BCAS3: variants seen among roughly 807,000 people sequenced by gnomAD.
The protein encoded by BCAS3 is BCAS4/BCAS3 fusion.
In BCAS3, 53 loss-of-function variants were observed where a neutral mutation model predicts 116.1. The observed-to-expected ratio is 0.46, with a 90% CI of 0.37 to 0.57. BCAS3 has a LOEUF of 0.57. BCAS3 is among the 20% of genes least tolerant of loss of function. The pLI is 0.00. For missense variants in BCAS3, 917 were observed against 1,165.4 expected (o/e 0.79, Z 3.10); for synonymous variants, 391 against 408.2 (o/e 0.96, Z 0.51).
At chr17:60,773,793 G>A (rs541917376) in intron 6 of BCAS3, among the ~76,000 whole-genome samples, 20 of 151,934 alleles carry the variant, frequency 1.3e-4, no homozygotes, top group African/African-American at 4.4e-4. Flanking sequence ...GACCACAGGC[G>A]CACGCCACCA....
chr17:61,178,538 T>G, intron 22 of BCAS3, among the ~76,000 whole-genome samples: 1 of 152,206 alleles, frequency 6.6e-6, no homozygotes, highest in Non-Finnish European at 1.5e-5. Context: ...GTTTAGTGAT[T>G]AGGGCTATCT....
At chr17:60,855,567 G>T (rs1027310408) in intron 7 of BCAS3, among the ~76,000 whole-genome samples, 8 of 149,656 alleles carry the variant, frequency 5.3e-5, no homozygotes, top group African/African-American at 2.0e-4. Context: ...CCATTCTCCT[G>T]CCTCAGCCTC....
intron 22 of BCAS3, among the ~76,000 whole-genome samples, chr17:61,231,974 A>AG (rs1056839187): frequency 6.3e-4 from 95 of 151,672 alleles, no homozygotes; most frequent in African/African-American, 1.9e-3. Flanking sequence ...TGGGAGGCCG[A>AG]GGGGGGTGGA....
At chr17:61,176,962 T>G (rs2079187863) in intron 22 of BCAS3, among the ~76,000 whole-genome samples, 1 of 152,190 alleles carries the variant, frequency 6.6e-6, no homozygotes. Flanking sequence ...TTTAATACCG[T>G]TAGTCCTTAG....
intron 22 of BCAS3, among the ~76,000 whole-genome samples, chr17:61,338,887 GGAAAAAAAAAAAAAA>G (rs747217511): frequency 1.0e-5 from 1 of 99,660 alleles, no homozygotes; most frequent in African/African-American, 3.8e-5. Flanking sequence ...GCCCTTACTG[GGAAAAAAAAAAAAAA>G]AAAAAAAAAA....
At chr17:60,753,711 G>A (rs747526002) in intron 6 of BCAS3, among the ~76,000 whole-genome samples, 1 of 152,050 alleles carries the variant, frequency 6.6e-6, no homozygotes, top group Non-Finnish European at 1.5e-5. Context: ...GCTCTGCCGC[G>A]TCTTCTTATT....
In BCAS3 at chr17:61,222,994, AGTCCG is replaced by A. The variant is rs1439768942; in HGVS notation, c.2425+138433_2425+138437del. On this transcript the variant is annotated intron_variant, in intron 22 of 23. Transcript: ENST00000407086. The surrounding 1 kb of genome is among the most constrained non-coding windows in gnomAD (Gnocchi z 6.1). ...CCACACTGGGCTTTTCTCCTTTTCC[AGTCCG>A]GTTGTTCCCAAAATCACTAGTTTAA... Among the ~76,000 whole-genome samples, 3 of 151,998 alleles carry A rather than the reference AGTCCG, an allele frequency of 2.0e-5. No homozygotes were observed. Among genetic ancestry groups the A allele is most frequent in the Admixed American group, 2.0e-4 (3 of 15,256 alleles).
intron 5 of BCAS3, among the ~76,000 whole-genome samples, chr17:60,742,633 A>C (rs1170806388): frequency 6.6e-6 from 1 of 151,450 alleles, no homozygotes; most frequent in East Asian, 2.0e-4. Context: ...GCTTTTCACC[A>C]TGTTGGCCAG....
intron 22 of BCAS3, among the ~76,000 whole-genome samples, chr17:61,322,628 G>T (rs1409521647): frequency 6.6e-6 from 1 of 152,016 alleles, no homozygotes; most frequent in African/African-American, 2.4e-5. Context: ...CAAGTGAGTT[G>T]TGTTAGTTGG....
chr17:60,798,717 G>A (rs1432041497), intron 6 of BCAS3, among the ~76,000 whole-genome samples: 2 of 152,210 alleles, frequency 1.3e-5, no homozygotes, highest in Non-Finnish European at 2.9e-5. Flanking sequence ...TGTGATTTCA[G>A]CATTGTACGG....
chr17:61,317,149 A>G (rs2054816856), intron 22 of BCAS3, among the ~76,000 whole-genome samples: 2 of 152,194 alleles, frequency 1.3e-5, no homozygotes, highest in African/African-American at 4.8e-5. Context: ...CCATCATATT[A>G]TATTTAGCTC....
chr17:61,223,582 T>A (rs182934573), intron 22 of BCAS3, among the ~76,000 whole-genome samples: 1 of 152,340 alleles, frequency 6.6e-6, no homozygotes, highest in Non-Finnish European at 1.5e-5. Context: ...TTGGGTACTG[T>A]CTCCATGCTC....
rs1444610208 is a variant in BCAS3 at position 61,116,051 on chromosome 17, T to C, written c.2425+31487T>C. Among the ~76,000 whole-genome samples, 4 of 127,670 alleles carry C rather than the reference T, an allele frequency of 3.1e-5. No homozygotes were observed. In the South Asian group the frequency reaches 7.5e-4, roughly 24 times the overall value. The allele number at this position is 127,670 out of a possible 152,430, so 83.8% of individuals were successfully genotyped here. On this transcript the variant is annotated intron_variant, in intron 22 of 23. Transcript: ENST00000407086. ...GTGGGAATTGAACAATGAGATCACA[T>C]GGACACAGGAAGGGGAATATCACAC...
chr17:60,742,032 T>A (rs2041602762), intron 5 of BCAS3, among the ~76,000 whole-genome samples: 1 of 152,164 alleles, frequency 6.6e-6, no homozygotes, highest in African/African-American at 2.4e-5. Context: ...TGGGATGTTA[T>A]TATAGCTGGT....
intron 5 of BCAS3, among the ~76,000 whole-genome samples, chr17:60,716,624 CAG>C (rs1357155811): frequency 3.3e-5 from 5 of 151,468 alleles, no homozygotes; most frequent in South Asian, 2.1e-4. Flanking sequence ...AGGGCTGAAA[CAG>C]GGGGATCAGT....
At chr17:60,876,755 C>T (rs764945723) in intron 9 of BCAS3, among the ~76,000 whole-genome samples, 2 of 152,110 alleles carry the variant, frequency 1.3e-5, no homozygotes, top group Admixed American at 6.5e-5. Context: ...GAGGCACTTA[C>T]ATTCTATCTT....
intron 19 of BCAS3, among the ~76,000 whole-genome samples, chr17:61,067,703 A>C (rs2070833251): frequency 6.8e-6 from 1 of 146,616 alleles, no homozygotes; most frequent in African/African-American, 2.6e-5. Context: ...TGACAGAGCA[A>C]GACTCCATCT....
At chr17:60,815,455 A>AT (rs1225150586) in intron 7 of BCAS3, among the ~76,000 whole-genome samples, 2 of 152,180 alleles carry the variant, frequency 1.3e-5, no homozygotes, top group Non-Finnish European at 2.9e-5. Flanking sequence ...ATAAAAAAAA[A>AT]GGAAAAAAAA....
chr17:60,959,111 A>T (rs1025563031), intron 14 of BCAS3, among the ~76,000 whole-genome samples: 4 of 152,090 alleles, frequency 2.6e-5, no homozygotes, highest in African/African-American at 4.8e-5. Context: ...TCAAGACCAG[A>T]CTGGGGAACA....
Sources: gnomAD v4.1 joint callset for allele counts (sites outside exome capture counted in the v4.1 genomes callset) on GRCh38, gnomAD v4.1.1 for gene constraint, Gnocchi (gnomAD v3.1) non-coding constraint, MANE v1.5 for transcripts, NCBI Gene and HGNC (gene_info 2026-07-23, HGNC 2026-07-21) for gene names.